THSD7B: variants seen among roughly 807,000 people sequenced by gnomAD.
The protein encoded by THSD7B is thrombospondin type-1 domain-containing protein 7B.
THSD7B carries 138 observed loss-of-function variants against 213.6 expected under a neutral mutation model. The ratio of observed to expected loss-of-function variants is 0.65; its 90% CI spans 0.56 to 0.74. The LOEUF is 0.74. THSD7B is among the 30% of genes least tolerant of loss of function. THSD7B has a pLI of 0.00. For missense variants in THSD7B, 1,931 were observed against 1,991.5 expected, an observed-to-expected ratio of 0.97 and a Z score of 0.58; for synonymous variants, 742 against 687.0, an observed-to-expected ratio of 1.08 and a Z score of -1.25.
At chr2:136,927,412 T>A (rs543059333) in intron 2 of THSD7B, among the ~76,000 whole-genome samples, 2 of 152,194 alleles carry the variant, frequency 1.3e-5, no homozygotes, top group Non-Finnish European at 2.9e-5. Flanking sequence ...CAAATTGACT[T>A]CTGGAATACT....
intron 2 of THSD7B, among the ~76,000 whole-genome samples, chr2:136,896,196 G>T (rs1242641616): frequency 6.6e-6 from 1 of 152,158 alleles, no homozygotes; most frequent in African/African-American, 2.4e-5. Flanking sequence ...ATTGCCATCA[G>T]TGATATATGA....
intron 2 of THSD7B, among the ~76,000 whole-genome samples, chr2:137,048,467 T>C (rs921104611): frequency 6.6e-6 from 1 of 152,190 alleles, no homozygotes; most frequent in Non-Finnish European, 1.5e-5. Context: ...GAGATATGGG[T>C]TCAGGTACAA....
chr2:137,450,677 T>C (rs760410170), intron 14 of THSD7B, among the ~76,000 whole-genome samples, 168 bp from the exon 15 acceptor site: 1 of 152,200 alleles, frequency 6.6e-6, no homozygotes, highest in Non-Finnish European at 1.5e-5. Context: ...TGAATGCAGA[T>C]GTCATATTTA....
chr2:137,301,096 C>T (rs1683590058), intron 12 of THSD7B, among the ~76,000 whole-genome samples: 1 of 152,008 alleles, frequency 6.6e-6, no homozygotes, highest in South Asian at 2.1e-4. Context: ...ATATAAAAAC[C>T]TGCCTCCCAC....
intron 3 of THSD7B, among the ~76,000 whole-genome samples, chr2:137,059,479 A>G (rs1278483176): frequency 2.6e-5 from 4 of 152,180 alleles, no homozygotes; most frequent in African/African-American, 9.6e-5. Flanking sequence ...TTACGGTATC[A>G]TACAGAGTAG....
chr2:136,887,334 G>C (rs552062839), intron 2 of THSD7B, among the ~76,000 whole-genome samples: 4 of 151,620 alleles, frequency 2.6e-5, no homozygotes, highest in African/African-American at 9.7e-5. Flanking sequence ...GTGTGTGACA[G>C]GCTTTTAAAA....
In THSD7B at chr2:136,862,713, G is replaced by A. The variant is rs16837160; in HGVS notation, c.-35-19431G>A. On this transcript the variant is annotated intron_variant, in intron 1 of 27. Coordinates refer to ENST00000409968, the MANE Select transcript of THSD7B (RefSeq NM_001316349.2). ...AGTGTTGTGGAGAAGTTCATAAAGC[G>A]ATCAAGTAGAAAAAAGCATTTTATT... 4.9e-3 allele frequency among the ~76,000 whole-genome samples: 744 copies of A among 152,266 alleles called. 15 individuals carry two copies. The South Asian group carries it at 0.07, about 14-fold the overall frequency.
intron 1 of THSD7B, among the ~76,000 whole-genome samples, chr2:136,815,673 CAT>C (rs1682457823): frequency 6.6e-6 from 1 of 152,048 alleles, no homozygotes; most frequent in African/African-American, 2.4e-5. Context: ...TAACAGACAA[CAT>C]AAATGTTGGT....
chr2:137,126,627 T>C (rs184434079), intron 5 of THSD7B, among the ~76,000 whole-genome samples: 4 of 152,320 alleles, frequency 2.6e-5, no homozygotes, highest in African/African-American at 9.6e-5. Flanking sequence ...TGCTTTCTCA[T>C]CATTCATGTG....
At chr2:136,777,994 C>T (rs757294360) in intron 1 of THSD7B, among the ~76,000 whole-genome samples, 2 of 152,100 alleles carry the variant, frequency 1.3e-5, no homozygotes, top group Non-Finnish European at 2.9e-5. Context: ...AACATGCAGT[C>T]AGACACAAAT....
At chr2:137,321,948 A>G (rs1024767966) in intron 12 of THSD7B, among the ~76,000 whole-genome samples, 6 of 152,148 alleles carry the variant, frequency 3.9e-5, no homozygotes, top group African/African-American at 1.2e-4. Flanking sequence ...TGTTTGTCAT[A>G]ATGATTCATT....
At position 137,411,649 on chromosome 2, in the gene THSD7B, T is replaced by C. The variant is rs768216448; in HGVS notation, c.2736T>C (p.Leu912=). ...RKKEKCQDSD[L]YPLVETELCP... is the part of the protein sequence containing the mutation. ...AGGAGAAATGCCAGGATTCTGACCT[T>C]TACCCTCTAGTGGAGACAGAACTAT... The change falls in exon 14 of 28, where the codon CTT becomes CTC. Residue 912 remains leucine, a synonymous_variant. Coordinates refer to ENST00000409968, the MANE Select transcript of THSD7B (RefSeq NM_001316349.2). The C allele has an allele frequency of 2.5e-6, 4 of 1,613,832 alleles. No homozygotes were observed. Among genetic ancestry groups the C allele is most frequent in the African/African-American group, 1.3e-5 (1 of 74,936 alleles).
rs1029742926 is a variant in THSD7B, at chr2:137,035,386, A to AT, written c.140-21026dup. Among the ~76,000 whole-genome samples the AT allele has an allele frequency of 2.3e-4, 35 of 151,838 alleles. 1 individual carries two copies. The highest frequency in any genetic ancestry group is 3.4e-3 in the Middle Eastern group (1 of 294). Reference sequence around the variant, plus strand: ...TGCAGTTTTGCTGCCTAGAATCTTAATTTTTTTTGCTAGTAGAAGATATTG... The same window carrying AT: ...TGCAGTTTTGCTGCCTAGAATCTTAATTTTTTTTTGCTAGTAGAAGATATTG... On this transcript the variant is annotated intron_variant, in intron 2 of 27. Transcript: ENST00000409968.
intron 2 of THSD7B, among the ~76,000 whole-genome samples, chr2:137,026,104 C>G (rs768068540): frequency 5.3e-5 from 8 of 152,082 alleles, no homozygotes; most frequent in Admixed American, 5.2e-4. Context: ...CTCCTTCTAG[C>G]GCTAATATAG....
intron 10 of THSD7B, among the ~76,000 whole-genome samples, chr2:137,268,934 A>C (rs1196883876): frequency 6.6e-6 from 1 of 152,170 alleles, no homozygotes. Context: ...GGAGTCTGCT[A>C]TAGGTTTGGC....
At chr2:137,374,857 A>C (rs376941153) in intron 12 of THSD7B, among the ~76,000 whole-genome samples, 1 of 152,126 alleles carries the variant, frequency 6.6e-6, no homozygotes, top group Non-Finnish European at 1.5e-5. Context: ...AATACACTTG[A>C]GTTTCCATGA....
intron 17 of THSD7B, among the ~76,000 whole-genome samples, chr2:137,599,138 GT>G (rs1439833499): frequency 1.4e-5 from 2 of 145,480 alleles, no homozygotes. Flanking sequence ...ACGGTGTTTG[GT>G]TTTTTTTTCT....
At chr2:136,969,763 T>TG (rs985927833) in intron 2 of THSD7B, among the ~76,000 whole-genome samples, 12 of 152,296 alleles carry the variant, frequency 7.9e-5, no homozygotes, top group African/African-American at 2.4e-4. Context: ...TACTAGTATT[T>TG]GGGGATCCCA....
chr2:136,892,991 T>C lies in THSD7B; in HGVS notation c.139+10674T>C, dbSNP rs1260596315. On this transcript the variant is annotated intron_variant, in intron 2 of 27. Transcript: ENST00000409968. ...TTCTCTCTTTTTGACCTTTACTGAG[T>C]TATATCATTTAATGCTTTTAACTGT... Among the ~76,000 whole-genome samples, 4 of 152,208 alleles carry C rather than the reference T, an allele frequency of 2.6e-5. No homozygotes were observed. The East Asian group carries it at 7.7e-4, about 29-fold the overall frequency.
Sources: gnomAD v4.1 joint callset for allele counts (sites outside exome capture counted in the v4.1 genomes callset) on GRCh38, gnomAD v4.1.1 for gene constraint, MANE v1.5 for transcripts, NCBI Gene and HGNC (gene_info 2026-07-23, HGNC 2026-07-21) for gene names.